KCNK3: variants seen among roughly 807,000 people sequenced by gnomAD.
KCNK3 encodes the protein potassium two pore domain channel subfamily K member 3.
In KCNK3, 9 loss-of-function variants were observed where a neutral mutation model predicts 27.3. That is an observed-to-expected ratio of 0.33 (90% CI 0.20 to 0.57). The LOEUF (loss-of-function observed/expected upper bound fraction) is 0.57, where lower values mean the gene tolerates loss of function less well. KCNK3 is among the 20% of genes least tolerant of loss of function. The probability of loss-of-function intolerance (pLI) is 0.87; values close to 1 mark genes in which losing one functional copy is unlikely to be tolerated. For synonymous variants in KCNK3, 278 were observed against 273.8 expected (o/e 1.02, Z -0.15); for missense variants, 391 against 577.7 (o/e 0.68, Z 3.31).
Position 26,727,868 on chromosome 2 carries a change from T to C in KCNK3, c.485T>C (p.Ile162Thr). 1.2e-6 allele frequency: 2 copies of C among 1,614,168 alleles called. No homozygotes were observed. The highest frequency in any genetic ancestry group is 1.7e-6 in the Non-Finnish European group (2 of 1,180,010). The stretch of plus-strand genomic sequence containing the variant: ...GTGTCCATGGCCAACATGGTGCTCA[T>C]CGGCTTCTTCTCGTGCATCAGCACG... ...ADVSMANMVL[I>T]GFFSCISTLC... Residue 162 changes from isoleucine to threonine, a missense_variant, in exon 2 of 2, where the codon ATC becomes ACC. Coordinates refer to ENST00000302909, the MANE Select transcript of KCNK3 (RefSeq NM_002246.3).
intron 1 of KCNK3, among the ~76,000 whole-genome samples, chr2:26,700,008 G>A (rs1295665321): frequency 6.6e-6 from 1 of 152,214 alleles, no homozygotes; most frequent in African/African-American, 2.4e-5. Context: ...GGTGGCAGAT[G>A]GGTACCAGGG....
At chr2:26,711,081 G>T (rs1027307444) in intron 1 of KCNK3, among the ~76,000 whole-genome samples, 1 of 152,178 alleles carries the variant, frequency 6.6e-6, no homozygotes, top group African/African-American at 2.4e-5. Flanking sequence ...TGGCTCCAGG[G>T]GGGTTCTTGC....
chr2:26,701,809 G>A (rs763301376), intron 1 of KCNK3, among the ~76,000 whole-genome samples: 18 of 152,104 alleles, frequency 1.2e-4, no homozygotes, highest in East Asian at 3.9e-4. Context: ...GCGTGGTGGC[G>A]CATGCCTGTA....
chr2:26,701,049 C>T (rs1558595760), intron 1 of KCNK3, among the ~76,000 whole-genome samples: 1 of 152,230 alleles, frequency 6.6e-6, no homozygotes, highest in African/African-American at 2.4e-5. Context: ...GCCTGAGATT[C>T]TGCATTTCCA....
At chr2:26,711,078 A>G (rs1383651643) in intron 1 of KCNK3, among the ~76,000 whole-genome samples, 1 of 152,144 alleles carries the variant, frequency 6.6e-6, no homozygotes, top group African/African-American at 2.4e-5. Context: ...GACTGGCTCC[A>G]GGGGGGTTCT....
chr2:26,714,111 T>G lies in KCNK3; in HGVS notation c.284-13556T>G, dbSNP rs116665804. 4.6e-3 allele frequency among the ~76,000 whole-genome samples: 697 copies of G among 150,896 alleles called. 5 individuals carry two copies. The highest frequency in any genetic ancestry group is 0.016 in the African/African-American group (666 of 41,116). ...AAAAGAAAAGAAAAAGAAAGAAACA[T>G]GTATGTGTTAATAAGAGCTCCTACT... On this transcript the variant is annotated intron_variant, in intron 1 of 1. Coordinates refer to ENST00000302909, the MANE Select transcript of KCNK3 (RefSeq NM_002246.3).
intron 1 of KCNK3, among the ~76,000 whole-genome samples, chr2:26,727,278 A>T (rs933228523): frequency 1.3e-5 from 2 of 152,134 alleles, no homozygotes; most frequent in African/African-American, 4.8e-5. Flanking sequence ...CTCCCAGCTG[A>T]CCTGTGCCCT....
At chr2:26,704,961 T>TTTTC (rs753225495) in intron 1 of KCNK3, among the ~76,000 whole-genome samples, 2 of 151,850 alleles carry the variant, frequency 1.3e-5, no homozygotes, top group Non-Finnish European at 2.9e-5. Flanking sequence ...GGAGGCACTA[T>TTTTC]TTTCTTTCTT....
At position 26,693,848 on chromosome 2, in the gene KCNK3, G is replaced by A. The variant is rs1380985469; in HGVS notation, c.283+690G>A. 6.6e-6 allele frequency among the ~76,000 whole-genome samples: 1 copy of A among 152,094 alleles called. No individual in the cohort carries two copies. Among genetic ancestry groups the A allele is most frequent in the Non-Finnish European group, 1.5e-5 (1 of 68,014 alleles). On this transcript the variant is annotated intron_variant, in intron 1 of 1. Coordinates refer to ENST00000302909, the MANE Select transcript of KCNK3 (RefSeq NM_002246.3). This position sits in a 1 kb window ranked among gnomAD's most constrained non-coding sequence, Gnocchi z 5.5. ...TAACCCCAGTTCTTTCCAAGCCAGGGCAGATCACCATGTAGGAGGCCACAC... is the reference window on the plus strand; with the variant it reads ...TAACCCCAGTTCTTTCCAAGCCAGGACAGATCACCATGTAGGAGGCCACAC...
intron 1 of KCNK3, among the ~76,000 whole-genome samples, chr2:26,701,500 C>G (rs1233933368): frequency 6.6e-6 from 1 of 152,210 alleles, no homozygotes; most frequent in African/African-American, 2.4e-5. Flanking sequence ...GCCAGGAAGG[C>G]ACCTTAGATC....
intron 1 of KCNK3, among the ~76,000 whole-genome samples, chr2:26,704,311 C>T (rs1002591710): frequency 6.6e-6 from 1 of 152,170 alleles, no homozygotes; most frequent in African/African-American, 2.4e-5. Flanking sequence ...ACACTGAATG[C>T]ACAGCTTCTG....
At chr2:26,713,799 G>A (rs549345306) in intron 1 of KCNK3, among the ~76,000 whole-genome samples, 1 of 150,912 alleles carries the variant, frequency 6.6e-6, no homozygotes, top group Admixed American at 6.6e-5. Context: ...AAAAGGGCTG[G>A]GTGCTGTGGC....
Position 26,732,717 on chromosome 2 carries a change from TG to T in KCNK3, c.*4150del, listed in dbSNP as rs1413574421. ...CTTACTGCCCTGTCCCACCTGCCTC[TG>T]TCTTTCTTAAAACAGCTAAATGCAA... On this transcript the variant is annotated 3_prime_UTR_variant, in exon 2 of 2. Coordinates refer to ENST00000302909, the MANE Select transcript of KCNK3 (RefSeq NM_002246.3). 2.6e-5 allele frequency: 4 copies of T among 152,324 alleles called. No individual in the cohort carries two copies. Among genetic ancestry groups the T allele is most frequent in the African/African-American group, 9.6e-5 (4 of 41,474 alleles). 9.4% of individuals were successfully genotyped at this position (152,324 alleles called of 1,614,324 possible). A position where few individuals can be genotyped will look rare whatever the true frequency, so the allele number is the denominator to read the frequency against.
rs199986870 is a variant in KCNK3 at position 26,728,004 on chromosome 2, G to T, written c.621G>T (p.Ala207=). ...CCATCGGCTTCGGCGACTACGTGGCGCTGCAGAAGGACCAGGCCCTGCAGA... is the reference window on the plus strand; with the variant it reads ...CCATCGGCTTCGGCGACTACGTGGCTCTGCAGAAGGACCAGGCCCTGCAGA... ...LTTIGFGDYV[A]LQKDQALQTQ... Residue 207 remains alanine, a synonymous_variant, in exon 2 of 2, where the codon GCG becomes GCT. Transcript: ENST00000302909. 1 of 1,614,130 alleles carries T rather than the reference G, an allele frequency of 6.2e-7. No homozygotes were observed. The highest frequency in any genetic ancestry group is 1.1e-5 in the South Asian group (1 of 91,096).
intron 1 of KCNK3, among the ~76,000 whole-genome samples, chr2:26,701,415 A>G (rs1182851241): frequency 6.6e-6 from 1 of 152,070 alleles, no homozygotes; most frequent in East Asian, 1.9e-4. Flanking sequence ...AGAAGTGGAG[A>G]AGGGCTTGCC....
intron 1 of KCNK3, among the ~76,000 whole-genome samples, chr2:26,695,368 T>C (rs1353033775): frequency 6.6e-6 from 1 of 152,152 alleles, no homozygotes; most frequent in East Asian, 1.9e-4. Context: ...ATTACAGGTG[T>C]GAGCCACTGC....
In KCNK3 at chr2:26,692,846, C is replaced by T; in HGVS notation, c.-30C>T. On this transcript the variant is annotated 5_prime_UTR_variant, in exon 1 of 2. Transcript: ENST00000302909. The surrounding 1 kb of genome is among the most constrained non-coding windows in gnomAD (Gnocchi z 5.6). Reference sequence around the variant, plus strand: ...GGGCCGAGGCGCGGGCCGGGGGCGCCGGGGGGCCGGCGGCGGCCCGGGCGG... The same window carrying T: ...GGGCCGAGGCGCGGGCCGGGGGCGCTGGGGGGCCGGCGGCGGCCCGGGCGG... 3 of 1,189,694 alleles carry T rather than the reference C, an allele frequency of 2.5e-6. No homozygotes were observed. Among genetic ancestry groups the T allele is most frequent in the Non-Finnish European group, 3.1e-6 (3 of 959,796 alleles). The allele number at this position is 1,189,694 out of a possible 1,614,324, so 73.7% of individuals were successfully genotyped here.
intron 1 of KCNK3, among the ~76,000 whole-genome samples, chr2:26,695,242 AAG>A (rs1670220634): frequency 6.6e-6 from 1 of 151,958 alleles, no homozygotes; most frequent in Non-Finnish European, 1.5e-5. Context: ...TTTTGAGAGA[AAG>A]AGTCTCACTC....
chr2:26,711,725 T>A (rs1223182676), intron 1 of KCNK3, among the ~76,000 whole-genome samples: 4 of 152,276 alleles, frequency 2.6e-5, no homozygotes, highest in Non-Finnish European at 2.9e-5. Context: ...CTTAGAGCAG[T>A]GCCTGGCACG....
Sources: gnomAD v4.1 joint callset for allele counts (sites outside exome capture counted in the v4.1 genomes callset) on GRCh38, gnomAD v4.1.1 for gene constraint, Gnocchi (gnomAD v3.1) non-coding constraint, MANE v1.5 for transcripts, NCBI Gene and HGNC (gene_info 2026-07-23, HGNC 2026-07-21) for gene names.